Variants in CTNS observed in about 807,000 individuals in gnomAD.
The protein encoded by CTNS is cystinosin.
Under a neutral mutation model 43.7 loss-of-function variants are expected in CTNS, and 27 were observed. That is an observed-to-expected ratio of 0.62 (90% CI 0.46 to 0.85). The LOEUF (loss-of-function observed/expected upper bound fraction) is 0.85. CTNS is among the 40% of genes least tolerant of loss of function. CTNS has a pLI of 0.00. For synonymous variants in CTNS, 187 were observed against 190.6 expected (o/e 0.98, Z 0.16); for missense variants, 457 against 475.4 (o/e 0.96, Z 0.36).
Position 3,642,064 on chromosome 17 carries a change from C to T in CTNS, c.61+1797C>T, listed in dbSNP as rs372705775. Among the ~76,000 whole-genome samples, 24 of 139,876 alleles carry T rather than the reference C, an allele frequency of 1.7e-4. No homozygotes were observed. In the South Asian group the frequency reaches 2.8e-3, roughly 16 times the overall value. 91.8% of individuals were successfully genotyped at this position (139,876 alleles called of 152,430 possible). A position where few individuals can be genotyped will look rare whatever the true frequency, so the allele number is the denominator to read the frequency against. On this transcript the variant is annotated intron_variant, in intron 3 of 11. Transcript: ENST00000046640. ...GCCTGTGTGTGTGTGTGTACCCGGG[C>T]GTGTGTGTGTGTGTGTGTGCCTGGG...
intron 2 of CTNS, 150 bp from the exon 3 acceptor site, chr17:3,640,038 C>A: frequency 1.4e-6 from 1 of 705,076 alleles, no homozygotes; most frequent in East Asian, 2.7e-5. Context: ...TAGGGTGTCC[C>A]TCTGAGGCCG....
chr17:3,655,083 ATCAC>A lies in CTNS; in HGVS notation c.314_317del (p.His105ProfsTer12). ...CAACTTACTGTTTATCTACATGGAA[ATCAC>A]TCCAATCAGACCGGGTAGGCTGGCC... On this transcript the variant is annotated frameshift_variant, in exon 6 of 12. Coordinates refer to ENST00000046640, the MANE Select transcript of CTNS (RefSeq NM_004937.3). LOFTEE classifies it high-confidence loss of function. The A allele has an allele frequency of 1.2e-6, 2 of 1,614,030 alleles. No homozygotes were observed. Among genetic ancestry groups the A allele is most frequent in the Non-Finnish European group, 1.7e-6 (2 of 1,179,898 alleles).
At position 3,656,603 on chromosome 17, in the gene CTNS, C is replaced by T. The variant is rs1183065515; in HGVS notation, c.561+17C>T. ...TACATCAAGGTACGGCCTTGCCTGC[C>T]CTACATCTCTGCCCACATGGCGTGG... On this transcript the variant is annotated intron_variant, in intron 8 of 11. Coordinates refer to ENST00000046640, the MANE Select transcript of CTNS (RefSeq NM_004937.3). 6.2e-7 allele frequency: 1 copy of T among 1,612,152 alleles called. No individual in the cohort carries two copies. The highest frequency in any genetic ancestry group is 1.3e-5 in the African/African-American group (1 of 74,260).
chr17:3,650,143 CTT>C, intron 5 of CTNS: 1 of 1,548,570 alleles, frequency 6.5e-7, no homozygotes, highest in Non-Finnish European at 8.7e-7. Flanking sequence ...AATATATACA[CTT>C]TTTATTTGTC....
intron 9 of CTNS, among the ~76,000 whole-genome samples, chr17:3,657,377 A>G (rs2076174768): frequency 6.6e-6 from 1 of 152,172 alleles, no homozygotes; most frequent in Non-Finnish European, 1.5e-5. Context: ...GGGCCCCACC[A>G]AGGCTGGGTC....
At position 3,637,308 on chromosome 17, in the gene CTNS, G is replaced by A. The variant is rs2075553398; in HGVS notation, c.-28G>A. On this transcript the variant is annotated 5_prime_UTR_variant, in exon 2 of 12. Coordinates refer to ENST00000046640, the MANE Select transcript of CTNS (RefSeq NM_004937.3). ...TGTGAGAGCTCGCTAGGCGCCCTAA[G>A]CAACAGAGGTAACCACTTTATATCC... The A allele has an allele frequency of 6.6e-6, 1 of 152,110 alleles. No individual in the cohort carries two copies. 9.4% of individuals were successfully genotyped at this position (152,110 alleles called of 1,614,324 possible). A position where few individuals can be genotyped will look rare whatever the true frequency, so the allele number is the denominator to read the frequency against.
intron 11 of CTNS, 67 bp downstream of exon 11, chr17:3,660,042 G>C: frequency 6.6e-7 from 1 of 1,511,184 alleles, no homozygotes. Context: ...GCCTTCCCGG[G>C]ACCTTCCAGC....
intron 11 of CTNS, 102 bp downstream of exon 11, chr17:3,660,077 C>A: frequency 1.4e-6 from 2 of 1,434,916 alleles, no homozygotes; most frequent in African/African-American, 1.4e-5. Flanking sequence ...CACCTGGGAT[C>A]CAAGCCAATC....
chr17:3,648,997 G>C, intron 5 of CTNS, 66 bp downstream of exon 5: 1 of 1,368,862 alleles, frequency 7.3e-7, no homozygotes, highest in Non-Finnish European at 1.0e-6. Context: ...TGAATTAAGA[G>C]CTGGTGGAAA....
At chr17:3,636,540 G>GTCTCTGTGTCCCTGGC (rs2075533897), upstream of CTNS, 1 of 330,890 alleles carries the variant, frequency 3.0e-6, no homozygotes, top group Admixed American at 5.0e-5. Flanking sequence ...GGCTCCAAGA[G>GTCTCTGTGTCCCTGGC]TCTCTGTGTC....
chr17:3,653,826 A>G (rs1597642325), intron 5 of CTNS, among the ~76,000 whole-genome samples: 1 of 151,812 alleles, frequency 6.6e-6, no homozygotes, highest in South Asian at 2.1e-4. Context: ...CAGTGAGCTG[A>G]GATCGCGCCA....
chr17:3,651,423 C>G (rs556539740), intron 5 of CTNS, among the ~76,000 whole-genome samples: 1 of 152,200 alleles, frequency 6.6e-6, no homozygotes, highest in East Asian at 1.9e-4. Flanking sequence ...AAAAAAGATA[C>G]CAAACAAGCC....
rs1044276201 is a variant in CTNS at position 3,662,409 on chromosome 17, G to C, written c.*2040G>C. On this transcript the variant is annotated 3_prime_UTR_variant, in exon 12 of 12. Transcript: ENST00000046640. ...ACACCTTCCCAGAGGTGGTACGCAG[G>C]TAGTCAGGTGCTCTCTGACTCACCC... Among the ~76,000 whole-genome samples the C allele has an allele frequency of 1.2e-4, 19 of 152,134 alleles. No individual in the cohort carries two copies. Among genetic ancestry groups the C allele is most frequent in the African/African-American group, 3.1e-4 (13 of 41,400 alleles).
chr17:3,639,051 G>A (rs922219296), intron 2 of CTNS, among the ~76,000 whole-genome samples: 1 of 152,158 alleles, frequency 6.6e-6, no homozygotes, highest in Non-Finnish European at 1.5e-5. Flanking sequence ...AGTGTGTAAG[G>A]GAGATGTCCG....
rs374751105 is a variant in CTNS at position 3,656,591 on chromosome 17, G to A, written c.561+5G>A. 17 of 1,611,248 alleles carry A rather than the reference G, an allele frequency of 1.1e-5. No individual in the cohort carries two copies. Among genetic ancestry groups the A allele is most frequent in the Admixed American group, 8.4e-5 (5 of 59,688 alleles). ...CTCTGGGTGCCCTACATCAAGGTACGGCCTTGCCTGCCCTACATCTCTGCC... is the reference window on the plus strand; with the variant it reads ...CTCTGGGTGCCCTACATCAAGGTACAGCCTTGCCTGCCCTACATCTCTGCC... On this transcript the variant is annotated splice_donor_5th_base_variant and intron_variant, in intron 8 of 11. Transcript: ENST00000046640.
chr17:3,649,007 ACAGGTCTCCTAGGCGGCC>A, intron 5 of CTNS, 76 bp downstream of exon 5: 1 of 1,268,702 alleles, frequency 7.9e-7, no homozygotes, highest in Non-Finnish European at 1.2e-6. Context: ...GCTGGTGGAA[ACAGGTCTCCTAGGCGGCC>A]CCTGTTCCAT....
At chr17:3,649,111 A>G (rs2075913057) in intron 5 of CTNS, among the ~76,000 whole-genome samples, 180 bp downstream of exon 5, 1 of 152,156 alleles carries the variant, frequency 6.6e-6, no homozygotes, top group African/African-American at 2.4e-5. Context: ...GATGGAATTA[A>G]GAAGGTGATA....
Position 3,660,671 on chromosome 17 carries a change from A to G in CTNS, c.*302A>G. 2 of 1,613,546 alleles carry G rather than the reference A, an allele frequency of 1.2e-6. No homozygotes were observed. The highest frequency in any genetic ancestry group is 2.2e-5 in the South Asian group (2 of 91,088). On this transcript the variant is annotated 3_prime_UTR_variant, in exon 12 of 12. Coordinates refer to ENST00000046640, the MANE Select transcript of CTNS (RefSeq NM_004937.3). ...GCCGTCTCAGGCAGGACTGGGCACC[A>G]AGCTTGCAGCCGAAGGCCTTGCCCC...
At position 3,662,449 on chromosome 17, in the gene CTNS, C is replaced by T. The variant is rs2142989011; in HGVS notation, c.*2080C>T. The stretch of plus-strand genomic sequence containing the variant: ...CTGACTCACCCCCATCTGGCCAGAT[C>T]ACGGCCCCCAGCAACACGTGGGGTT... On this transcript the variant is annotated 3_prime_UTR_variant, in exon 12 of 12. Coordinates refer to ENST00000046640, the MANE Select transcript of CTNS (RefSeq NM_004937.3). Among the ~76,000 whole-genome samples the T allele has an allele frequency of 6.6e-6, 1 of 152,304 alleles. No homozygotes were observed. The highest frequency in any genetic ancestry group is 1.9e-4 in the East Asian group (1 of 5,180).
Sources: allele counts gnomAD v4.1 joint callset (sites outside exome capture counted in the v4.1 genomes callset), GRCh38; gene constraint gnomAD v4.1.1; transcripts MANE v1.5; gene names NCBI Gene and HGNC (gene_info 2026-07-23, HGNC 2026-07-21).